The following FTO variants were observed in gnomAD, a reference collection of about 807,000 sequenced individuals.
The protein encoded by FTO is FTO alpha-ketoglutarate dependent dioxygenase.
FTO carries 47 observed loss-of-function variants against 63.9 expected under a neutral mutation model. The ratio of observed to expected loss-of-function variants is 0.74; its 90% CI spans 0.58 to 0.94. The LOEUF (loss-of-function observed/expected upper bound fraction) is 0.94. Ranked by LOEUF, FTO falls within the 40% of genes least tolerant of loss-of-function variation. The pLI, the probability that FTO is intolerant of heterozygous loss-of-function variation, is 0.00. For missense variants in FTO, 562 were observed against 618.1 expected (o/e 0.91, Z 0.96); for synonymous variants, 207 against 224.4 (o/e 0.92, Z 0.69).
chr16:53,857,351 C>T (rs2080032381), intron 4 of FTO, among the ~76,000 whole-genome samples: 1 of 152,140 alleles, frequency 6.6e-6, no homozygotes, highest in South Asian at 2.1e-4. Flanking sequence ...GTTTTCTTTT[C>T]CTGCGTGAAT....
intron 8 of FTO, chr16:53,981,563 A>G (rs2083545156): frequency 6.6e-6 from 1 of 152,364 alleles, no homozygotes; most frequent in African/African-American, 2.4e-5. Context: ...ACCTGAGGTC[A>G]GGAGTTTGAG....
At chr16:53,795,352 A>G (rs2078033752) in intron 1 of FTO, among the ~76,000 whole-genome samples, 1 of 152,194 alleles carries the variant, frequency 6.6e-6, no homozygotes, top group South Asian at 2.1e-4. Context: ...TAATAAGAGA[A>G]CACAGCCTTG....
At chr16:53,785,604 A>G (rs2077712263) in intron 1 of FTO, among the ~76,000 whole-genome samples, 1 of 152,074 alleles carries the variant, frequency 6.6e-6, no homozygotes, top group East Asian at 1.9e-4. Flanking sequence ...GATTTGAGGG[A>G]CAGACTTGCT....
At chr16:53,761,263 A>AT (rs11394373) in intron 1 of FTO, among the ~76,000 whole-genome samples, 102,964 of 145,884 alleles carry the variant, frequency 0.71, 36,989 homozygotes, top group African/African-American at 0.88. Flanking sequence ...CACCCAGCTC[A>AT]TTTTTTTTTT....
intron 8 of FTO, among the ~76,000 whole-genome samples, chr16:54,104,903 A>T (rs2689270): frequency 6.6e-6 from 1 of 152,240 alleles, no homozygotes; most frequent in African/African-American, 2.4e-5. Flanking sequence ...TTGCATGATC[A>T]CTAGATTGAT....
chr16:53,719,731 CT>C (rs928637481), intron 1 of FTO, among the ~76,000 whole-genome samples: 1 of 150,042 alleles, frequency 6.7e-6, no homozygotes, highest in Non-Finnish European at 1.5e-5. Context: ...CCTGCATTGC[CT>C]AAGCTTCTTT....
At chr16:54,039,967 T>C (rs146895413) in intron 8 of FTO, 2 of 152,318 alleles carry the variant, frequency 1.3e-5, no homozygotes, top group African/African-American at 4.8e-5. Flanking sequence ...AGGCCAAGTG[T>C]TGTGAGCCAA....
chr16:53,965,154 A>C (rs1171332025), intron 8 of FTO, among the ~76,000 whole-genome samples: 1 of 151,812 alleles, frequency 6.6e-6, no homozygotes, highest in African/African-American at 2.4e-5. Flanking sequence ...GCTCACTGCA[A>C]CCTCCGCCTC....
At position 54,087,982 on chromosome 16, in the gene FTO, G is replaced by T. The variant is rs146043314; in HGVS notation, c.1365-23780G>T. Among the ~76,000 whole-genome samples, 11 of 152,258 alleles carry T rather than the reference G, an allele frequency of 7.2e-5. No homozygotes were observed. The East Asian group carries it at 2.1e-3, about 29-fold the overall frequency. On this transcript the variant is annotated intron_variant, in intron 8 of 8. Transcript: ENST00000471389. ...CAGCTGATTCATGTCTGCAGCTAAG[G>T]TATTTAGTTCTAGTCACCACCATTT...
intron 8 of FTO, among the ~76,000 whole-genome samples, chr16:53,980,187 C>T (rs2083511819): frequency 6.6e-6 from 1 of 152,128 alleles, no homozygotes; most frequent in South Asian, 2.1e-4. Flanking sequence ...TCTATTATGT[C>T]TTCTAATTGT....
chr16:53,820,250 C>T (rs1434742224), intron 2 of FTO, among the ~76,000 whole-genome samples: 1 of 151,946 alleles, frequency 6.6e-6, no homozygotes, highest in Non-Finnish European at 1.5e-5. Context: ...ATCAGATGAT[C>T]CAGCTGCCTC....
intron 8 of FTO, among the ~76,000 whole-genome samples, chr16:54,031,082 A>T (rs1306865317): frequency 1.3e-5 from 2 of 152,236 alleles, no homozygotes; most frequent in East Asian, 3.8e-4. Context: ...GAAAATTCTT[A>T]TATAACCAGT....
chr16:53,850,634 G>T (rs978280529), intron 4 of FTO, among the ~76,000 whole-genome samples: 1 of 152,016 alleles, frequency 6.6e-6, no homozygotes, highest in Non-Finnish European at 1.5e-5. Context: ...TGAAATGCAT[G>T]TCTTGAGTGC....
At chr16:53,802,507 A>T (rs1598701928) in intron 1 of FTO, among the ~76,000 whole-genome samples, 1 of 152,176 alleles carries the variant, frequency 6.6e-6, no homozygotes, top group East Asian at 1.9e-4. Flanking sequence ...GGATTTAAGT[A>T]ATTCGATTAT....
intron 1 of FTO, among the ~76,000 whole-genome samples, chr16:53,760,230 GTGTGTGTGTGTGTGTGTGTGTGT>G (rs2077029338): frequency 5.1e-5 from 1 of 19,562 alleles, no homozygotes; most frequent in African/African-American, 5.6e-4. Context: ...GTGTGTGTGT[GTGTGTGTGTGTGTGTGTGTGTGT>G]GTGTGTGTTT....
intron 4 of FTO, among the ~76,000 whole-genome samples, chr16:53,853,073 A>G (rs939626761): frequency 1.3e-5 from 2 of 152,166 alleles, no homozygotes; most frequent in Admixed American, 6.5e-5. Flanking sequence ...CGGGCGGATC[A>G]CCTGAGGTTG....
chr16:54,108,308 A>T (rs2086801256), intron 8 of FTO, among the ~76,000 whole-genome samples: 1 of 152,242 alleles, frequency 6.6e-6, no homozygotes, highest in Non-Finnish European at 1.5e-5. Context: ...AGGCCAGACG[A>T]CAATGCCTTT....
chr16:53,814,626 G>A (rs1318048009), intron 2 of FTO: 1 of 152,302 alleles, frequency 6.6e-6, no homozygotes, highest in African/African-American at 2.4e-5. Flanking sequence ...CTCTTCCCTT[G>A]TGTCTCTTCA....
intron 3 of FTO, among the ~76,000 whole-genome samples, chr16:53,837,597 G>A (rs2079338496): frequency 1.3e-5 from 2 of 152,054 alleles, no homozygotes; most frequent in Non-Finnish European, 2.9e-5. Flanking sequence ...AGTATGTGCT[G>A]TGTCAGCAGC....
Sources: gnomAD v4.1 joint callset for allele counts (sites outside exome capture counted in the v4.1 genomes callset) on GRCh38, gnomAD v4.1.1 for gene constraint, MANE v1.5 for transcripts, NCBI Gene and HGNC (gene_info 2026-07-23, HGNC 2026-07-21) for gene names.